Variants in CDC16 observed in about 807,000 individuals in gnomAD.
CDC16 encodes the protein cell division cycle 16, also known as cell division cycle protein 16 homolog.
A neutral mutation model predicts 87.0 loss-of-function variants in CDC16; 34 were observed. That is an observed-to-expected ratio of 0.39 (90% CI 0.30 to 0.52). The LOEUF (loss-of-function observed/expected upper bound fraction) is 0.52. Among genes scored for constraint, CDC16 ranks in the 20% least tolerant of loss-of-function variants. The probability of loss-of-function intolerance (pLI) is 0.74; values close to 1 mark genes in which losing one functional copy is unlikely to be tolerated. For missense variants in CDC16, 653 were observed against 751.9 expected (o/e 0.87, Z 1.54); for synonymous variants, 263 against 260.6 (o/e 1.01, Z -0.09).
At chr13:114,256,414 A>C (rs547211271) in intron 12 of CDC16, among the ~76,000 whole-genome samples, 1 of 152,346 alleles carries the variant, frequency 6.6e-6, no homozygotes, top group Admixed American at 6.5e-5. Flanking sequence ...CACACCAAGC[A>C]ATCAGTATTT....
chr13:114,257,861 A>G (rs1186289775), intron 13 of CDC16, among the ~76,000 whole-genome samples: 1 of 152,058 alleles, frequency 6.6e-6, no homozygotes, highest in Non-Finnish European at 1.5e-5. Flanking sequence ...TTTTCAGCTC[A>G]CTGCATTCTC....
At chr13:114,272,003 TATA>T (rs1160161342) in intron 17 of CDC16, among the ~76,000 whole-genome samples, 178 bp from the exon 18 acceptor site, 3 of 152,338 alleles carry the variant, frequency 2.0e-5, no homozygotes, top group Non-Finnish European at 2.9e-5. Context: ...CTCTTAAAAG[TATA>T]ATTTGACTTA....
At chr13:114,244,805 A>G (rs2081758147) in intron 8 of CDC16, 85 bp from the exon 9 acceptor site, 3 of 774,276 alleles carry the variant, frequency 3.9e-6, no homozygotes, top group African/African-American at 1.8e-5. Flanking sequence ...ATGTGATACC[A>G]TAATGACTGT....
intron 11 of CDC16, among the ~76,000 whole-genome samples, chr13:114,248,975 G>A (rs143877729): frequency 1.9e-3 from 289 of 152,100 alleles, no homozygotes; most frequent in African/African-American, 6.5e-3. Context: ...CCCTCCCAGG[G>A]TGGGGGGACT....
At position 114,265,098 on chromosome 13, in the gene CDC16, A is replaced by G; in HGVS notation, c.1513-52A>G. The G allele has an allele frequency of 3.1e-6, 4 of 1,270,582 alleles. No homozygotes were observed. In the South Asian group the frequency reaches 4.8e-5, roughly 15 times the overall value. 78.7% of individuals were successfully genotyped at this position (1,270,582 alleles called of 1,614,324 possible). On this transcript the variant is annotated intron_variant, in intron 16 of 17. Transcript: ENST00000356221. ...TATTTTGAAATGAATCAGTGTGGTAAGAGAAGGAAATATGTTTTCTTTTAA... is the reference window on the plus strand; with the variant it reads ...TATTTTGAAATGAATCAGTGTGGTAGGAGAAGGAAATATGTTTTCTTTTAA...
At chr13:114,247,100 T>C in intron 11 of CDC16, 96 bp downstream of exon 11, 1 of 739,724 alleles carries the variant, frequency 1.4e-6, no homozygotes, top group Non-Finnish European at 2.4e-6. Context: ...TTAAAAGCAA[T>C]GTGAAAGAAT....
chr13:114,272,517 A>G lies in CDC16; in HGVS notation c.*74A>G. ...CTTCACATCCTCTCCATGGCTTAAG[A>G]ATGTCCCACTTCCTAACGTGACTCC... On this transcript the variant is annotated 3_prime_UTR_variant, in exon 18 of 18. Coordinates refer to ENST00000356221, the MANE Select transcript of CDC16 (RefSeq NM_001078645.3). 1 of 1,335,686 alleles carries G rather than the reference A, an allele frequency of 7.5e-7. No individual in the cohort carries two copies. The highest frequency in any genetic ancestry group is 1.0e-6 in the Non-Finnish European group (1 of 961,708). 82.7% of individuals were successfully genotyped at this position (1,335,686 alleles called of 1,614,324 possible). A position where few individuals can be genotyped will look rare whatever the true frequency, so the allele number is the denominator to read the frequency against.
chr13:114,237,980 T>C (rs537261767), intron 3 of CDC16, among the ~76,000 whole-genome samples: 130 of 152,328 alleles, frequency 8.5e-4, no homozygotes, highest in Non-Finnish European at 1.6e-4. Flanking sequence ...AGGCCCTCCT[T>C]GTTTTCTCTC....
intron 5 of CDC16, among the ~76,000 whole-genome samples, chr13:114,241,305 G>C (rs1313538897): frequency 2.6e-5 from 4 of 152,232 alleles, no homozygotes; most frequent in African/African-American, 9.6e-5. Context: ...GAGGCCAAGA[G>C]AGGTTCAATC....
chr13:114,265,058 C>A, intron 16 of CDC16, 92 bp from the exon 17 acceptor site: 1 of 943,562 alleles, frequency 1.1e-6, no homozygotes. Context: ...TTCCCCCACC[C>A]TGGATGCCCT....
chr13:114,251,487 G>A (rs947781007), intron 12 of CDC16, among the ~76,000 whole-genome samples: 1 of 152,164 alleles, frequency 6.6e-6, no homozygotes, highest in Non-Finnish European at 1.5e-5. Flanking sequence ...TGTATGCAGG[G>A]GTGGAATCAT....
At chr13:114,236,574 A>C (rs1479680080) in intron 1 of CDC16, 71 bp from the exon 2 acceptor site, 24 of 1,269,404 alleles carry the variant, frequency 1.9e-5, no homozygotes, top group Non-Finnish European at 2.4e-5. Flanking sequence ...AATTATAATA[A>C]TATTAGATAA....
Position 114,251,852 on chromosome 13 carries a change from C to G in CDC16, c.1097+1178C>G, listed in dbSNP as rs1594610435. Among the ~76,000 whole-genome samples, 4 of 152,338 alleles carry G rather than the reference C, an allele frequency of 2.6e-5. No individual in the cohort carries two copies. In the South Asian group the frequency reaches 8.3e-4, roughly 32 times the overall value. ...AGAGAGAGCTCTGGTGTCTCTTCCTCTTGTAAAAACACTAGCCCTATTGGA... is the reference window on the plus strand; with the variant it reads ...AGAGAGAGCTCTGGTGTCTCTTCCTGTTGTAAAAACACTAGCCCTATTGGA... On this transcript the variant is annotated intron_variant, in intron 12 of 17. Coordinates refer to ENST00000356221, the MANE Select transcript of CDC16 (RefSeq NM_001078645.3).
intron 8 of CDC16, chr13:114,244,643 C>T (rs973977287): frequency 3.2e-6 from 1 of 313,736 alleles, no homozygotes; most frequent in African/African-American, 2.1e-5. Flanking sequence ...ATTCTGTTGA[C>T]TTAAAGTAAA....
intron 7 of CDC16, 137 bp from the exon 8 acceptor site, chr13:114,243,719 C>G (rs564000205): frequency 6.0e-4 from 384 of 637,904 alleles, no homozygotes; most frequent in Non-Finnish European, 8.9e-4. Context: ...CTTATAAAAC[C>G]TAAAGTTATA....
chr13:114,259,190 G>A (rs2082692559), intron 13 of CDC16, 145 bp from the exon 14 acceptor site: 1 of 476,452 alleles, frequency 2.1e-6, no homozygotes, highest in African/African-American at 2.1e-5. Context: ...TTAATCATTT[G>A]TGACTTAACT....
chr13:114,239,617 T>C (rs1394338344), intron 5 of CDC16, 127 bp downstream of exon 5: 2 of 1,266,604 alleles, frequency 1.6e-6, no homozygotes, highest in African/African-American at 3.1e-5. Flanking sequence ...TTTATTTAAT[T>C]TGCCCACCAA....
At chr13:114,245,596 C>G (rs2081823461) in intron 9 of CDC16, 1 of 163,752 alleles carries the variant, frequency 6.1e-6, no homozygotes, top group Non-Finnish European at 1.3e-5. Flanking sequence ...GAAACATCAT[C>G]TTGAAATGCC....
chr13:114,244,038 CT>C, intron 8 of CDC16, 49 bp downstream of exon 8: 1 of 1,329,116 alleles, frequency 7.5e-7, no homozygotes, highest in Non-Finnish European at 1.1e-6. Flanking sequence ...TTCACTCCAT[CT>C]TACCTAGGTG....
Sources: gnomAD v4.1 joint callset for allele counts (sites outside exome capture counted in the v4.1 genomes callset) on GRCh38, gnomAD v4.1.1 for gene constraint, MANE v1.5 for transcripts, NCBI Gene and HGNC (gene_info 2026-07-23, HGNC 2026-07-21) for gene names.